FRMPD1: variants seen among roughly 807,000 people sequenced by gnomAD.
The protein encoded by FRMPD1 is FERM and PDZ domain-containing protein 1.
FRMPD1 carries 76 observed loss-of-function variants against 117.8 expected under a neutral mutation model. That is an observed-to-expected ratio of 0.65 (90% confidence interval 0.54 to 0.78). The LOEUF (loss-of-function observed/expected upper bound fraction) is 0.78. Among genes scored for constraint, FRMPD1 ranks in the 30% least tolerant of loss-of-function variants. The pLI is 0.00. For missense variants in FRMPD1, 1,786 were observed against 1,964.5 expected, an observed-to-expected ratio of 0.91 and a Z score of 1.72; for synonymous variants, 783 against 770.4, an observed-to-expected ratio of 1.02 and a Z score of -0.27.
At chr9:37,638,012 C>CTTTCTTTCTTTCTTTCTT in the FRMPD1 span, among the ~76,000 whole-genome samples, 2 of 125,028 alleles carry the variant, frequency 1.6e-5, 1 homozygote, top group Non-Finnish European at 3.4e-5. Flanking sequence ...TTCTTTCTTT[C>CTTTCTTTCTTTCTTTCTT]TTTCTTTCTT....
the FRMPD1 span, among the ~76,000 whole-genome samples, chr9:37,643,545 T>G: frequency 1.8e-4 from 27 of 152,352 alleles, no homozygotes; most frequent in Non-Finnish European, 3.5e-4. Context: ...TTCCTCATTT[T>G]GATCATTTCT....
At chr9:37,655,013 A>T (rs1820797571) in intron 1 of FRMPD1, among the ~76,000 whole-genome samples, 1 of 151,994 alleles carries the variant, frequency 6.6e-6, no homozygotes, top group Admixed American at 6.6e-5. Context: ...GTGCTCATTG[A>T]TGCATAAAGG....
At chr9:37,689,788 G>C (rs1212799691) in intron 1 of FRMPD1, among the ~76,000 whole-genome samples, 1 of 152,124 alleles carries the variant, frequency 6.6e-6, no homozygotes, top group African/African-American at 2.4e-5. Context: ...ATAGGGTATC[G>C]AATTCTAGAC....
intron 15 of FRMPD1, among the ~76,000 whole-genome samples, chr9:37,741,450 G>GACACAC (rs56971939): frequency 0.017 from 2,374 of 135,658 alleles, 27 homozygotes; most frequent in Non-Finnish European, 0.021. Flanking sequence ...ATCCTGGCAG[G>GACACAC]ACACACACAC....
At chr9:37,691,637 C>G (rs932573969) in intron 1 of FRMPD1, among the ~76,000 whole-genome samples, 4 of 152,204 alleles carry the variant, frequency 2.6e-5, no homozygotes, top group Non-Finnish European at 5.9e-5. Flanking sequence ...GGTGTGGTGG[C>G]TCATGCCTAT....
chr9:37,685,719 C>T (rs1160987888), intron 1 of FRMPD1, among the ~76,000 whole-genome samples: 6 of 152,090 alleles, frequency 3.9e-5, no homozygotes, highest in African/African-American at 1.4e-4. Flanking sequence ...CCATTTTCTC[C>T]GCTAGCCCTA....
At chr9:37,642,876 C>G in the FRMPD1 span, among the ~76,000 whole-genome samples, 1 of 152,152 alleles carries the variant, frequency 6.6e-6, no homozygotes, top group Non-Finnish European at 1.5e-5. Flanking sequence ...GTCTTGGAAG[C>G]TTTCTCTCCC....
chr9:37,683,454 A>G (rs901627368), intron 1 of FRMPD1, among the ~76,000 whole-genome samples: 2 of 152,226 alleles, frequency 1.3e-5, no homozygotes, highest in African/African-American at 4.8e-5. Flanking sequence ...GTTTTTACAG[A>G]TGAGAAAACA....
chr9:37,711,018 G>A (rs1024558484), intron 4 of FRMPD1, among the ~76,000 whole-genome samples: 8 of 151,602 alleles, frequency 5.3e-5, no homozygotes, highest in African/African-American at 7.3e-5. Flanking sequence ...CACTGGATGA[G>A]TTCTTCATTG....
At position 37,745,460 on chromosome 9, in the gene FRMPD1, A is replaced by G. The variant is rs761621490; in HGVS notation, c.3428A>G (p.Asn1143Ser). 1.1e-5 allele frequency: 17 copies of G among 1,613,798 alleles called. No individual in the cohort carries two copies. The highest frequency in any genetic ancestry group is 1.4e-5 in the Non-Finnish European group (16 of 1,179,804). The change falls in exon 16 of 16, where the codon AAT becomes AGT. Residue 1143 changes from asparagine to serine, a missense_variant. By Grantham distance (46) the Asn-to-Ser change is conservative (BLOSUM62 1). Coordinates refer to ENST00000377765, the MANE Select transcript of FRMPD1 (RefSeq NM_014907.3). ...SGDSPGDVSN[N>S]VSQTLDISSP... ...GACTCCCCGGGTGATGTGTCAAATA[A>G]TGTTTCACAGACTCTTGATATTAGC...
At chr9:37,612,198 G>T in the FRMPD1 span, among the ~76,000 whole-genome samples, 3 of 152,140 alleles carry the variant, frequency 2.0e-5, no homozygotes, top group African/African-American at 7.2e-5. Flanking sequence ...ACTGTTTCCG[G>T]TCTGGGTTCC....
chr9:37,661,022 C>T (rs1006841691), intron 1 of FRMPD1, among the ~76,000 whole-genome samples: 2 of 152,208 alleles, frequency 1.3e-5, no homozygotes, highest in African/African-American at 4.8e-5. Context: ...ATCTTATATT[C>T]TCTCCTGGAG....
chr9:37,695,678 C>T (rs1343687676), intron 2 of FRMPD1, among the ~76,000 whole-genome samples: 1 of 152,120 alleles, frequency 6.6e-6, no homozygotes, highest in African/African-American at 2.4e-5. Context: ...CCACCTACCA[C>T]CTTGTTGCCT....
chr9:37,708,890 T>G (rs563755323), intron 4 of FRMPD1, among the ~76,000 whole-genome samples: 9 of 152,344 alleles, frequency 5.9e-5, no homozygotes, highest in African/African-American at 1.9e-4. Flanking sequence ...AATCTGTTCT[T>G]CTTTATCCCT....
chr9:37,668,791 G>A (rs1282916195), intron 1 of FRMPD1, among the ~76,000 whole-genome samples: 3 of 152,038 alleles, frequency 2.0e-5, no homozygotes, highest in Admixed American at 6.5e-5. Flanking sequence ...GTTCATAATC[G>A]CAATTTATTT....
At chr9:37,626,622 G>GGAAAA in the FRMPD1 span, among the ~76,000 whole-genome samples, 1 of 48,650 alleles carries the variant, frequency 2.1e-5, no homozygotes. Context: ...CCTGGTATCT[G>GGAAAA]AAAAAAAAAA....
intron 1 of FRMPD1, among the ~76,000 whole-genome samples, chr9:37,676,420 G>C (rs1821529831): frequency 6.6e-6 from 1 of 152,126 alleles, no homozygotes; most frequent in Admixed American, 6.5e-5. Flanking sequence ...ACTGAGGTTA[G>C]GGACAGAGGG....
the FRMPD1 span, among the ~76,000 whole-genome samples, chr9:37,610,598 T>C: frequency 6.7e-6 from 1 of 150,276 alleles, no homozygotes; most frequent in Non-Finnish European, 1.5e-5. Context: ...TCACATTCTT[T>C]TTTTTTTTTT....
Position 37,665,934 on chromosome 9 carries a change from G to A in FRMPD1, c.-5+14840G>A, listed in dbSNP as rs1224902686. 7.9e-5 allele frequency among the ~76,000 whole-genome samples: 12 copies of A among 152,234 alleles called. 1 individual carries two copies. The highest frequency in any genetic ancestry group is 7.2e-4 in the Admixed American group (11 of 15,298). On this transcript the variant is annotated intron_variant, in intron 1 of 15. Coordinates refer to ENST00000377765, the MANE Select transcript of FRMPD1 (RefSeq NM_014907.3). ...TCTGGCATCACCTTATCCTGTGGAC[G>A]TAACATTAGTCTGCAGAAAAAGAGA... is the stretch of plus-strand genomic sequence containing the variant.
Sources: gnomAD v4.1 joint callset for allele counts (sites outside exome capture counted in the v4.1 genomes callset) on GRCh38, gnomAD v4.1.1 for gene constraint, MANE v1.5 for transcripts, NCBI Gene and HGNC (gene_info 2026-07-23, HGNC 2026-07-21) for gene names.